The following APBA1 variants were observed in gnomAD, a reference collection of about 807,000 sequenced individuals.
APBA1 encodes the protein amyloid beta precursor protein binding family A member 1.
A neutral mutation model predicts 86.6 loss-of-function variants in APBA1; 55 were observed. That is an observed-to-expected ratio of 0.64 (90% confidence interval 0.51 to 0.80). The LOEUF (loss-of-function observed/expected upper bound fraction) is 0.80, where lower values mean the gene tolerates loss of function less well. Among genes scored for constraint, APBA1 ranks in the 30% least tolerant of loss-of-function variants. The pLI is 0.00. For missense variants in APBA1, 1,090 were observed against 1,183.0 expected, an observed-to-expected ratio of 0.92 and a Z score of 1.15; for synonymous variants, 511 against 493.9, an observed-to-expected ratio of 1.03 and a Z score of -0.46.
chr9:69,481,858 C>T (rs910410155), intron 2 of APBA1, among the ~76,000 whole-genome samples: 5 of 152,086 alleles, frequency 3.3e-5, no homozygotes, highest in South Asian at 2.1e-4. Flanking sequence ...CTGAGAAAAG[C>T]AAGCAATGGG....
chr9:69,497,554 T>C (rs554264616), intron 2 of APBA1, among the ~76,000 whole-genome samples: 1 of 152,276 alleles, frequency 6.6e-6, no homozygotes, highest in South Asian at 2.1e-4. Flanking sequence ...ATCAGCACAC[T>C]GCTTGAAAAG....
chr9:69,482,565 C>T (rs898046183), intron 2 of APBA1, among the ~76,000 whole-genome samples: 3 of 150,350 alleles, frequency 2.0e-5, no homozygotes, highest in African/African-American at 4.9e-5. Context: ...GTCAGTGTGG[C>T]GATTCCTCAG....
chr9:69,604,666 G>A (rs1330306795), intron 1 of APBA1, among the ~76,000 whole-genome samples: 1 of 146,886 alleles, frequency 6.8e-6, no homozygotes, highest in Non-Finnish European at 1.5e-5. Flanking sequence ...GAGGGTAAGA[G>A]GAGAGGCATA....
rs1822937286 is a variant in APBA1 at position 69,626,664 on chromosome 9, A to G, written c.-70+45489T>C. 2.6e-5 allele frequency among the ~76,000 whole-genome samples: 4 copies of G among 152,208 alleles called. No individual in the cohort carries two copies. In the South Asian group the frequency reaches 8.3e-4, roughly 31 times the overall value. Reference sequence around the variant, plus strand: ...AAGCACCTGGCACTTTTGTCCATTTATATAAATTTACTCTTTAAGACTTGG... The same window carrying G: ...AAGCACCTGGCACTTTTGTCCATTTGTATAAATTTACTCTTTAAGACTTGG... On this transcript the variant is annotated intron_variant, in intron 1 of 12. Coordinates refer to ENST00000265381, the MANE Select transcript of APBA1 (RefSeq NM_001163.4).
At chr9:69,521,575 A>G (rs1191412978) in intron 1 of APBA1, among the ~76,000 whole-genome samples, 1 of 152,200 alleles carries the variant, frequency 6.6e-6, no homozygotes, top group Non-Finnish European at 1.5e-5. Flanking sequence ...GACAATAATT[A>G]TGTAAGTAAG....
At chr9:69,540,423 T>C (rs1454144248) in intron 1 of APBA1, among the ~76,000 whole-genome samples, 1 of 152,086 alleles carries the variant, frequency 6.6e-6, no homozygotes, top group East Asian at 1.9e-4. Context: ...AACTGTACAA[T>C]AGAGTACAGT....
At chr9:69,575,106 T>C (rs910018328) in intron 1 of APBA1, among the ~76,000 whole-genome samples, 2 of 151,852 alleles carry the variant, frequency 1.3e-5, no homozygotes, top group African/African-American at 2.4e-5. Context: ...TTTGTAGCAA[T>C]AGGGTTTCAA....
intron 11 of APBA1, among the ~76,000 whole-genome samples, chr9:69,439,878 G>T (rs557474275): frequency 3.9e-4 from 60 of 152,240 alleles, no homozygotes; most frequent in African/African-American, 1.4e-3. Context: ...AGAGTTTCTG[G>T]TTTTTCTGCT....
chr9:69,466,778 G>A (rs903504637), intron 5 of APBA1, among the ~76,000 whole-genome samples: 6 of 152,162 alleles, frequency 3.9e-5, no homozygotes, highest in African/African-American at 1.4e-4. Context: ...CTCCTTCCAC[G>A]TTACCACACA....
chr9:69,619,711 C>G (rs1220339026), intron 1 of APBA1, among the ~76,000 whole-genome samples: 2 of 152,298 alleles, frequency 1.3e-5, no homozygotes, highest in East Asian at 3.9e-4. Context: ...AACAATAAAA[C>G]CTGCCTTATG....
chr9:69,547,421 C>T (rs1034925136), intron 1 of APBA1, among the ~76,000 whole-genome samples: 3 of 152,122 alleles, frequency 2.0e-5, no homozygotes, highest in African/African-American at 7.2e-5. Flanking sequence ...GAGAGCTTCC[C>T]TAGAATCCCC....
chr9:69,518,453 A>G (rs1836202117), intron 1 of APBA1, among the ~76,000 whole-genome samples: 1 of 152,204 alleles, frequency 6.6e-6, no homozygotes, highest in Non-Finnish European at 1.5e-5. Flanking sequence ...TTTTTTAAAA[A>G]TATGGGTAGG....
chr9:69,547,886 T>G (rs1342020361), intron 1 of APBA1, among the ~76,000 whole-genome samples: 1 of 152,182 alleles, frequency 6.6e-6, no homozygotes, highest in South Asian at 2.1e-4. Flanking sequence ...AGTGGTGTGG[T>G]CAGTGGAAAA....
chr9:69,540,361 T>A (rs947926798), intron 1 of APBA1, among the ~76,000 whole-genome samples: 7 of 152,140 alleles, frequency 4.6e-5, no homozygotes, highest in Non-Finnish European at 5.9e-5. Flanking sequence ...CATTTTTTTT[T>A]AAATTATGGT....
chr9:69,622,196 T>C (rs1166140838), intron 1 of APBA1, among the ~76,000 whole-genome samples: 1 of 152,182 alleles, frequency 6.6e-6, no homozygotes, highest in Middle Eastern at 3.2e-3. Context: ...TCAAAGATGA[T>C]AAAAATAAGA....
chr9:69,609,077 A>G (rs1433609952), intron 1 of APBA1, among the ~76,000 whole-genome samples: 1 of 152,240 alleles, frequency 6.6e-6, no homozygotes, highest in Non-Finnish European at 1.5e-5. Flanking sequence ...AAACCAAATT[A>G]GATGTCAATT....
chr9:69,516,267 C>T lies in APBA1; in HGVS notation c.944G>A (p.Gly315Glu). 7.0e-7 allele frequency: 1 copy of T among 1,437,980 alleles called. No homozygotes were observed. The highest frequency in any genetic ancestry group is 9.1e-7 in the Non-Finnish European group (1 of 1,101,478). The allele number at this position is 1,437,980 out of a possible 1,614,324, so 89.1% of individuals were successfully genotyped here. The change falls in exon 2 of 13, where the codon GGG becomes GAG. Residue 315 changes from glycine (G) to glutamate (E), a missense_variant. Around this residue, in one of 6 missense-constraint regions of APBA1, gnomAD observed 678 missense variants for 647.1 expected, o/e 1.05. Coordinates refer to ENST00000265381, the MANE Select transcript of APBA1 (RefSeq NM_001163.4). The surrounding 1 kb of genome is among the most constrained non-coding windows in gnomAD (Gnocchi z 7.3). ...CTGCTGCCCCGCCGGCGCCTGCAGC[C>T]CGGGGCTGTCGGGGCGACCCCCGGC... ...TPAGGRPDSP[G>E]LQAPAGQQRA...
At chr9:69,631,888 A>C (rs1401045824) in intron 1 of APBA1, among the ~76,000 whole-genome samples, 1 of 152,096 alleles carries the variant, frequency 6.6e-6, no homozygotes, top group Non-Finnish European at 1.5e-5. Flanking sequence ...GGGGAACATC[A>C]CACACTGGGA....
At chr9:69,511,964 C>T (rs185056232) in intron 2 of APBA1, among the ~76,000 whole-genome samples, 2 of 151,474 alleles carry the variant, frequency 1.3e-5, no homozygotes, top group African/African-American at 2.4e-5. Context: ...GGGAGATATA[C>T]CTAATGCTAG....
Sources: gnomAD v4.1 joint callset for allele counts (sites outside exome capture counted in the v4.1 genomes callset) on GRCh38, gnomAD v4.1.1 for gene constraint, gnomAD v4.1.1 regional missense constraint, Gnocchi (gnomAD v3.1) non-coding constraint, MANE v1.5 for transcripts, NCBI Gene and HGNC (gene_info 2026-07-23, HGNC 2026-07-21) for gene names.